ZDHHC14: variants seen among roughly 807,000 people sequenced by gnomAD.
ZDHHC14 encodes the protein palmitoyltransferase ZDHHC14.
A neutral mutation model predicts 47.7 loss-of-function variants in ZDHHC14; 16 were observed. That is an observed-to-expected ratio of 0.34 (90% CI 0.23 to 0.51). The LOEUF (loss-of-function observed/expected upper bound fraction) is 0.51. ZDHHC14 is among the 20% of genes least tolerant of loss of function. The probability of loss-of-function intolerance (pLI) is 0.97; values close to 1 mark genes in which losing one functional copy is unlikely to be tolerated. For synonymous variants in ZDHHC14, 293 were observed against 278.9 expected, an observed-to-expected ratio of 1.05 and a Z score of -0.50; for missense variants, 515 against 662.5, an observed-to-expected ratio of 0.78 and a Z score of 2.44.
At chr6:157,446,028 C>T (rs1778661202) in intron 1 of ZDHHC14, among the ~76,000 whole-genome samples, 1 of 152,104 alleles carries the variant, frequency 6.6e-6, no homozygotes, top group South Asian at 2.1e-4. Flanking sequence ...TTGATAATTA[C>T]CCTTTATTTT....
At chr6:157,647,799 C>A (rs1445843764) in intron 7 of ZDHHC14, among the ~76,000 whole-genome samples, 1 of 152,206 alleles carries the variant, frequency 6.6e-6, no homozygotes, top group African/African-American at 2.4e-5. Flanking sequence ...AGGGAGAAAG[C>A]CACATGGGCC....
At chr6:157,552,365 A>G (rs1303982458) in intron 2 of ZDHHC14, among the ~76,000 whole-genome samples, 3 of 152,194 alleles carry the variant, frequency 2.0e-5, no homozygotes, top group East Asian at 1.9e-4. Flanking sequence ...ATTGGGCACA[A>G]TAATCTCTGG....
intron 1 of ZDHHC14, among the ~76,000 whole-genome samples, chr6:157,522,988 TTTCTTTTC>T (rs1172727211): frequency 3.6e-4 from 24 of 66,634 alleles, no homozygotes; most frequent in African/African-American, 7.0e-4. Flanking sequence ...TTCTTTTTCT[TTTCTTTTC>T]TTTTCTTTTC....
intron 1 of ZDHHC14, among the ~76,000 whole-genome samples, chr6:157,451,852 G>A (rs570261503): frequency 5.9e-5 from 9 of 152,274 alleles, no homozygotes; most frequent in East Asian, 1.9e-4. Flanking sequence ...GAGCCACTGC[G>A]CTCAGCATCT....
intron 2 of ZDHHC14, among the ~76,000 whole-genome samples, chr6:157,576,822 C>A (rs991636462): frequency 1.3e-5 from 2 of 152,224 alleles, no homozygotes; most frequent in African/African-American, 4.8e-5. Context: ...AACTGAAATC[C>A]ACCAGGCTAT....
chr6:157,387,139 A>G (rs545778344), intron 1 of ZDHHC14, among the ~76,000 whole-genome samples: 2 of 152,118 alleles, frequency 1.3e-5, no homozygotes, highest in Non-Finnish European at 2.9e-5. Flanking sequence ...TCATCACTAT[A>G]AGTCCATTGA....
intron 1 of ZDHHC14, among the ~76,000 whole-genome samples, chr6:157,467,881 G>A (rs557556602): frequency 4.9e-4 from 75 of 152,110 alleles, no homozygotes; most frequent in Non-Finnish European, 7.9e-4. Flanking sequence ...TGAGTAGACC[G>A]CATCATATTT....
At chr6:157,579,242 G>C (rs1189553141) in intron 2 of ZDHHC14, among the ~76,000 whole-genome samples, 1 of 115,348 alleles carries the variant, frequency 8.7e-6, no homozygotes, top group African/African-American at 3.4e-5. Context: ...CTGTCGCCCA[G>C]GCTGGAGTGC....
In ZDHHC14 at chr6:157,567,750, G is replaced by T. The variant is rs558381929; in HGVS notation, c.406+25005G>T. On this transcript the variant is annotated intron_variant, in intron 2 of 8. Coordinates refer to ENST00000359775, the MANE Select transcript of ZDHHC14 (RefSeq NM_024630.3). ...GAGAATCAGTTGAACCTGGGAGGTT[G>T]CAGTGAGCCAAGATCACACCATTGC... Among the ~76,000 whole-genome samples, 43 of 150,632 alleles carry T rather than the reference G, an allele frequency of 2.9e-4. No individual in the cohort carries two copies. In the South Asian group the frequency reaches 7.1e-3, roughly 25 times the overall value.
chr6:157,391,160 C>T (rs1471092309), intron 1 of ZDHHC14, among the ~76,000 whole-genome samples: 2 of 152,304 alleles, frequency 1.3e-5, no homozygotes, highest in East Asian at 1.9e-4. Flanking sequence ...CCTGGAAAAA[C>T]TCTGGAGGTT....
chr6:157,579,200 T>TG lies in ZDHHC14; in HGVS notation c.407-13788_407-13787insG, dbSNP rs1247663429. The stretch of plus-strand genomic sequence containing the variant: ...TGATATTGATTCTGTGTTTTTTTTT[T>TG]TTTTTTTTTTTTTTTTGGATGGAGT... On this transcript the variant is annotated intron_variant, in intron 2 of 8. Transcript: ENST00000359775. Among the ~76,000 whole-genome samples, 215 of 124,874 alleles carry TG rather than the reference T, an allele frequency of 1.7e-3. 2 individuals carry two copies. The highest frequency in any genetic ancestry group is 6.8e-3 in the African/African-American group (197 of 28,820). 81.9% of individuals were successfully genotyped at this position (124,874 alleles called of 152,430 possible).
At chr6:157,505,893 A>C (rs1229021490) in intron 1 of ZDHHC14, among the ~76,000 whole-genome samples, 1 of 152,258 alleles carries the variant, frequency 6.6e-6, no homozygotes, top group East Asian at 1.9e-4. Context: ...GTCAGATGTA[A>C]CTGAGTGCAC....
intron 1 of ZDHHC14, among the ~76,000 whole-genome samples, chr6:157,481,998 C>T (rs924002559): frequency 1.6e-4 from 24 of 152,152 alleles, no homozygotes; most frequent in African/African-American, 5.1e-4. Context: ...GAGAGTACAT[C>T]GCAATTGTTG....
intron 1 of ZDHHC14, among the ~76,000 whole-genome samples, chr6:157,493,702 C>T (rs1480039179): frequency 6.6e-6 from 1 of 152,250 alleles, no homozygotes; most frequent in Non-Finnish European, 1.5e-5. Context: ...CTGAGGGTCT[C>T]AGGCATTTTG....
chr6:157,416,278 T>A (rs534560766), intron 1 of ZDHHC14, among the ~76,000 whole-genome samples: 2 of 152,338 alleles, frequency 1.3e-5, no homozygotes, highest in African/African-American at 4.8e-5. Flanking sequence ...TTCTAGGCAG[T>A]GATTTTTCTA....
chr6:157,408,677 T>C (rs576217234), intron 1 of ZDHHC14, among the ~76,000 whole-genome samples: 2 of 152,350 alleles, frequency 1.3e-5, no homozygotes, highest in Non-Finnish European at 2.9e-5. Context: ...ATGGCATATA[T>C]GTACCACATT....
intron 2 of ZDHHC14, 184 bp from the exon 3 acceptor site, chr6:157,592,804 G>C (rs997168510): frequency 3.5e-6 from 5 of 1,414,452 alleles, no homozygotes; most frequent in Non-Finnish European, 4.6e-6. Context: ...CGTGTGCAAC[G>C]AAGGAGGCCG....
In ZDHHC14 at chr6:157,393,081, GT is replaced by G. The variant is rs1384987782; in HGVS notation, c.245+10817del. Among the ~76,000 whole-genome samples the G allele has an allele frequency of 2.0e-5, 3 of 152,196 alleles. No individual in the cohort carries two copies. In the East Asian group the frequency reaches 5.8e-4, roughly 29 times the overall value. On this transcript the variant is annotated intron_variant, in intron 1 of 8. Transcript: ENST00000359775. The stretch of plus-strand genomic sequence containing the variant: ...TTTAGTAGAGACAGGGTTTCTCCAT[GT>G]TGGTCAGGCTGGTCTTGAACTCCCA...
At chr6:157,522,617 C>A (rs1197779357) in intron 1 of ZDHHC14, among the ~76,000 whole-genome samples, 1 of 151,716 alleles carries the variant, frequency 6.6e-6, no homozygotes, top group East Asian at 1.9e-4. Flanking sequence ...CTACAAGACC[C>A]ATTTTTATAA....
Sources: allele counts gnomAD v4.1 joint callset (sites outside exome capture counted in the v4.1 genomes callset), GRCh38; gene constraint gnomAD v4.1.1; transcripts MANE v1.5; gene names NCBI Gene and HGNC (gene_info 2026-07-23, HGNC 2026-07-21).